TBRG4: variants seen among roughly 807,000 people sequenced by gnomAD.
TBRG4 encodes transforming growth factor beta regulator 4.
In TBRG4, 43 loss-of-function variants were observed where a neutral mutation model predicts 65.6. The observed-to-expected ratio is 0.66, with a 90% CI of 0.51 to 0.85. TBRG4 has a LOEUF of 0.85. Ranked by LOEUF, TBRG4 falls within the 40% of genes least tolerant of loss-of-function variation. The pLI is 0.00. For synonymous variants in TBRG4, 366 were observed against 341.4 expected, an observed-to-expected ratio of 1.07 and a Z score of -0.79; for missense variants, 709 against 787.9, an observed-to-expected ratio of 0.90 and a Z score of 1.20.
intron 6 of TBRG4, chr7:45,103,112 C>T: frequency 3.4e-6 from 2 of 584,104 alleles, no homozygotes; most frequent in South Asian, 3.9e-5. Context: ...CAGGACCCCC[C>T]AGCGCTGCCT....
chr7:45,108,155 T>C (rs576777892), intron 2 of TBRG4, among the ~76,000 whole-genome samples: 77 of 152,352 alleles, frequency 5.1e-4, no homozygotes, highest in African/African-American at 1.8e-3. Context: ...ACTGGAAACA[T>C]GGTTTCAGTG....
chr7:45,100,442 G>T lies in TBRG4; in HGVS notation c.1795-16C>A. On this transcript the variant is annotated splice_polypyrimidine_tract_variant and intron_variant, in intron 10 of 10. Transcript: ENST00000258770. ...AGAATGGGACCTAGAAGGAGGCAGG[G>T]GAGACAGGTCACATGGGCAAGGAGA... 1 of 1,605,798 alleles carries T rather than the reference G, an allele frequency of 6.2e-7. No homozygotes were observed. Among genetic ancestry groups the T allele is most frequent in the Non-Finnish European group, 8.5e-7 (1 of 1,172,632 alleles).
At chr7:45,103,555 G>T (rs1784838767) in intron 5 of TBRG4, 112 bp from the exon 6 acceptor site, 2 of 807,380 alleles carry the variant, frequency 2.5e-6, no homozygotes, top group South Asian at 3.2e-5. Flanking sequence ...GCAATGGCAG[G>T]ACCCTCCATC....
Position 45,108,858 on chromosome 7 carries a change from A to C in TBRG4, c.380T>G (p.Phe127Cys). The change falls in exon 2 of 11, where the codon TTT (phenylalanine) becomes TGT (cysteine). Residue 127 changes from phenylalanine (F) to cysteine (C), a missense_variant. Transcript: ENST00000258770. ...GTTGAGCAGACAGAGAAGTTGATGA[A>C]AGTGGGCATCCTGTATGAGCAAGCC... The part of the protein sequence containing the change: ...DKGLLIQDAH[F>C]HQLLCLLNSQ... 6.5e-7 allele frequency: 1 copy of C among 1,545,274 alleles called. No individual in the cohort carries two copies. The highest frequency in any genetic ancestry group is 8.7e-7 in the Non-Finnish European group (1 of 1,148,838).
At chr7:45,105,415 G>T in intron 3 of TBRG4, 26 bp downstream of exon 3, 1 of 1,567,124 alleles carries the variant, frequency 6.4e-7, no homozygotes. Flanking sequence ...GGCAGGCTGG[G>T]TGCCACCTGC....
chr7:45,110,457 G>C lies in TBRG4; in HGVS notation c.-50-1170C>G, dbSNP rs551219815. On this transcript the variant is annotated intron_variant, in intron 1 of 10. Coordinates refer to ENST00000258770, the MANE Select transcript of TBRG4 (RefSeq NM_004749.4). ...TGAGGCGGGCAGATCACGAGGTCAGGAGATCGAGACCATCCTGGCTAACAC... is the reference window on the plus strand; with the variant it reads ...TGAGGCGGGCAGATCACGAGGTCAGCAGATCGAGACCATCCTGGCTAACAC... 4.4e-4 allele frequency among the ~76,000 whole-genome samples: 67 copies of C among 152,264 alleles called. No individual in the cohort carries two copies. In the East Asian group the frequency reaches 0.013, roughly 29 times the overall value.
chr7:45,106,988 A>G (rs1784980105), intron 2 of TBRG4: 1 of 152,140 alleles, frequency 6.6e-6, no homozygotes, highest in Non-Finnish European at 1.5e-5. Flanking sequence ...GGGACGCGGC[A>G]CCCAAGCATG....
intron 4 of TBRG4, 57 bp downstream of exon 4, chr7:45,104,481 C>T (rs757731930): frequency 8.4e-5 from 135 of 1,612,696 alleles, no homozygotes; most frequent in Non-Finnish European, 1.1e-4. Flanking sequence ...GACACGGCTG[C>T]AGGCATCTGC....
chr7:45,105,938 A>G (rs1584031876), intron 2 of TBRG4, 174 bp from the exon 3 acceptor site: 1 of 871,194 alleles, frequency 1.1e-6, no homozygotes, highest in Non-Finnish European at 1.9e-6. Flanking sequence ...TGCTCCTCAC[A>G]GCCTTGCTCA....
intron 1 of TBRG4, chr7:45,111,333 A>G (rs1215878308): frequency 1.2e-5 from 2 of 169,654 alleles, no homozygotes; most frequent in South Asian, 8.8e-5. Flanking sequence ...TTAGGCAAAC[A>G]GCAATCCAAA....
chr7:45,101,276 T>C lies in TBRG4; in HGVS notation c.1776A>G (p.Ala592=). The change falls in exon 10 of 11, where the codon GCA becomes GCG. Residue 592 remains alanine, a synonymous_variant. Transcript: ENST00000258770. ...TACTCACGTCCACTATCAGGAAGCC[T>C]GCAGCCACTATGTGTCGCCGGGCCA... ...FVLARRHIVA[A]GFLIVDVPFY... 6.2e-7 allele frequency: 1 copy of C among 1,613,556 alleles called. No homozygotes were observed. Among genetic ancestry groups the C allele is most frequent in the Non-Finnish European group, 8.5e-7 (1 of 1,179,826 alleles).
At chr7:45,101,468 G>A (rs2128644059) in intron 9 of TBRG4, 35 bp downstream of exon 9, 22 of 1,605,552 alleles carry the variant, frequency 1.4e-5, no homozygotes, top group Non-Finnish European at 1.8e-5. Flanking sequence ...AACAGCCATG[G>A]TGCCCCCATG....
intron 2 of TBRG4, chr7:45,107,538 T>C (rs1203584939): frequency 3.9e-5 from 6 of 152,342 alleles, no homozygotes; most frequent in African/African-American, 9.7e-5. Flanking sequence ...TCTGCGCTTA[T>C]GAATGAGAAG....
intron 3 of TBRG4, 36 bp downstream of exon 3, chr7:45,105,405 G>A (rs747407691): frequency 2.6e-6 from 4 of 1,558,876 alleles, no homozygotes; most frequent in South Asian, 2.5e-5. Flanking sequence ...GCCCAGGGGA[G>A]GCAGGCTGGG....
At position 45,108,998 on chromosome 7, in the gene TBRG4, T is replaced by G. The variant is rs770029660; in HGVS notation, c.240A>C (p.Thr80=). The G allele has an allele frequency of 3.1e-6, 5 of 1,611,984 alleles. No homozygotes were observed. The South Asian group carries it at 4.4e-5, about 14-fold the overall frequency. Residue 80 remains threonine, a synonymous_variant, in exon 2 of 11, where the codon ACA becomes ACC. Transcript: ENST00000258770. ...GTAGCTCCAGGAGCTCCTCTGGCCT[T>G]GTGGCCTTCTTGATGAGGTGGTCCA... is the stretch of plus-strand genomic sequence containing the variant. ...KQVDHLIKKA[T]RPEELLELLG... is the part of the protein sequence containing the mutation.
chr7:45,102,152 A>G, intron 7 of TBRG4, 82 bp from the exon 8 acceptor site: 3 of 1,533,890 alleles, frequency 2.0e-6, no homozygotes, highest in Non-Finnish European at 2.6e-6. Context: ...GTGCACCCCT[A>G]CACCCAGTCC....
In TBRG4 at chr7:45,100,379, G is replaced by A. The variant is rs370363199; in HGVS notation, c.1842C>T (p.Gly614=). 37 of 1,614,080 alleles carry A rather than the reference G, an allele frequency of 2.3e-5. No individual in the cohort carries two copies. The highest frequency in any genetic ancestry group is 2.8e-5 in the Non-Finnish European group (33 of 1,180,052). The stretch of plus-strand genomic sequence containing the variant: ...TGCGCATCTTGTCCTTGAGGTAGGC[G>A]CCTTTCTGCCATTCAGACTTGAGTT... The part of the protein sequence containing the change: ...WLELKSEWQK[G]AYLKDKMRKA... The change falls in exon 11 of 11, where the codon GGC becomes GGT. Residue 614 remains glycine (G), a synonymous_variant. Coordinates refer to ENST00000258770, the MANE Select transcript of TBRG4 (RefSeq NM_004749.4).
rs777879478 is a variant in TBRG4 at position 45,101,871 on chromosome 7, G to A, written c.1521C>T (p.Ala507=). ...QETLKGLLGS[A]DKGSLEVATQ... ...TGGCCACCTCGAGGCTGCCCTTGTC[G>A]GCGCTCCCCAGCAGCCCCTTCAGCG... The change falls in exon 8 of 11, where the codon GCC becomes GCT. Residue 507 remains alanine, a synonymous_variant. Transcript: ENST00000258770. The A allele has an allele frequency of 1.3e-5, 21 of 1,609,382 alleles. No homozygotes were observed. Among genetic ancestry groups the A allele is most frequent in the African/African-American group, 8.0e-5 (6 of 74,774 alleles).
rs1785045229 is a variant in TBRG4, at chr7:45,109,104, G to A, written c.134C>T (p.Ser45Leu). Reference sequence around the variant, plus strand: ...GGAACCTGGGAGGTGGGAAATGGGTGAGGTGGCTGAGGAAGTCAGAGTCTT... The same window carrying A: ...GGAACCTGGGAGGTGGGAAATGGGTAAGGTGGCTGAGGAAGTCAGAGTCTT... The part of the protein sequence containing the change: ...AHKTLTSSAT[S>L]PISHLPGSLM... The change falls in exon 2 of 11, where the codon TCA becomes TTA. Residue 45 changes from serine to leucine, a missense_variant. Ser to Leu is a moderately radical substitution (Grantham distance 145). Transcript: ENST00000258770. 1 of 1,614,206 alleles carries A rather than the reference G, an allele frequency of 6.2e-7. No homozygotes were observed. Among genetic ancestry groups the A allele is most frequent in the Non-Finnish European group, 8.5e-7 (1 of 1,180,030 alleles).
Sources: gnomAD v4.1 joint callset for allele counts (sites outside exome capture counted in the v4.1 genomes callset) on GRCh38, gnomAD v4.1.1 for gene constraint, MANE v1.5 for transcripts, NCBI Gene and HGNC (gene_info 2026-07-23, HGNC 2026-07-21) for gene names.